The following VAT1L variants were observed in gnomAD, a reference collection of about 807,000 sequenced individuals.
VAT1L encodes putative NADPH-dependent quinone oxidoreductase VAT1L.
A neutral mutation model predicts 44.1 loss-of-function variants in VAT1L; 34 were observed. That is an observed-to-expected ratio of 0.77 (90% CI 0.59 to 1.03). The LOEUF (loss-of-function observed/expected upper bound fraction) is 1.03. Among genes scored for constraint, VAT1L ranks in the 50% least tolerant of loss-of-function variants. VAT1L has a pLI of 0.00. For missense variants in VAT1L, 615 were observed against 538.8 expected (o/e 1.14, Z -1.40); for synonymous variants, 253 against 202.2 (o/e 1.25, Z -2.13).
At chr16:77,951,035 A>G (rs754059238) in intron 7 of VAT1L, among the ~76,000 whole-genome samples, 4 of 152,224 alleles carry the variant, frequency 2.6e-5, no homozygotes, top group Non-Finnish European at 5.9e-5. Flanking sequence ...AAGACACAGC[A>G]GCGCCCGCGG....
intron 7 of VAT1L, among the ~76,000 whole-genome samples, chr16:77,885,242 G>A (rs558191385): frequency 6.6e-6 from 1 of 152,278 alleles, no homozygotes; most frequent in South Asian, 2.1e-4. Context: ...CTATCACGAT[G>A]GACTTTGGAA....
chr16:77,861,052 AG>A (rs1341025333), intron 3 of VAT1L, among the ~76,000 whole-genome samples: 1 of 152,076 alleles, frequency 6.6e-6, no homozygotes, highest in African/African-American at 2.4e-5. Flanking sequence ...CAGTCAGGGG[AG>A]GGGGTAATTG....
intron 2 of VAT1L, among the ~76,000 whole-genome samples, chr16:77,817,318 A>T (rs909219275): frequency 6.6e-6 from 1 of 152,174 alleles, no homozygotes; most frequent in African/African-American, 2.4e-5. Flanking sequence ...ATTCAACAAA[A>T]GTATTTGGCA....
At chr16:77,820,471 T>C (rs759016322) in intron 2 of VAT1L, among the ~76,000 whole-genome samples, 10 of 152,156 alleles carry the variant, frequency 6.6e-5, no homozygotes, top group Non-Finnish European at 1.2e-4. Context: ...GCTCGAGCTC[T>C]GTAGGGGTGT....
intron 7 of VAT1L, among the ~76,000 whole-genome samples, chr16:77,945,371 C>T (rs1352037940): frequency 6.8e-6 from 1 of 146,554 alleles, no homozygotes; most frequent in African/African-American, 2.5e-5. Flanking sequence ...ACCGCAGCCT[C>T]AAACTCCTAG....
chr16:77,958,669 C>G (rs756180378), intron 7 of VAT1L, among the ~76,000 whole-genome samples: 7 of 152,170 alleles, frequency 4.6e-5, no homozygotes, highest in Non-Finnish European at 7.3e-5. Context: ...GTAGAACATT[C>G]TGGCTCTTGG....
chr16:77,933,392 A>G (rs1046429741), intron 7 of VAT1L, among the ~76,000 whole-genome samples: 1 of 152,230 alleles, frequency 6.6e-6, no homozygotes, highest in Non-Finnish European at 1.5e-5. Flanking sequence ...TCAGAAATCC[A>G]TTCATTCATT....
intron 7 of VAT1L, among the ~76,000 whole-genome samples, chr16:77,918,123 A>G (rs1208189686): frequency 6.6e-6 from 1 of 152,180 alleles, no homozygotes; most frequent in African/African-American, 2.4e-5. Flanking sequence ...GATGCAAATT[A>G]AAGGCATTAA....
chr16:77,918,899 C>T (rs1475675998), intron 7 of VAT1L, among the ~76,000 whole-genome samples: 3 of 152,180 alleles, frequency 2.0e-5, no homozygotes, highest in Non-Finnish European at 2.9e-5. Context: ...TAAGTTCTCT[C>T]TCTCCTGAGC....
intron 3 of VAT1L, among the ~76,000 whole-genome samples, 157 bp downstream of exon 3, chr16:77,825,618 T>C (rs1206389139): frequency 6.6e-6 from 1 of 152,112 alleles, no homozygotes; most frequent in Non-Finnish European, 1.5e-5. Flanking sequence ...TATAGATGAT[T>C]GCATTGGGGT....
chr16:77,914,306 A>C (rs771816823), intron 7 of VAT1L, among the ~76,000 whole-genome samples: 1 of 152,202 alleles, frequency 6.6e-6, no homozygotes, highest in African/African-American at 2.4e-5. Context: ...TTGGCTATCT[A>C]TGCTTTTGAG....
intron 7 of VAT1L, among the ~76,000 whole-genome samples, chr16:77,925,620 C>T (rs2142497638): frequency 6.6e-6 from 1 of 152,304 alleles, no homozygotes; most frequent in African/African-American, 2.4e-5. Context: ...GGAGATGAGA[C>T]TAGCTAGCCC....
intron 7 of VAT1L, among the ~76,000 whole-genome samples, chr16:77,957,226 T>G (rs371420759): frequency 6.6e-6 from 1 of 152,150 alleles, no homozygotes; most frequent in East Asian, 1.9e-4. Flanking sequence ...TTCCATGAAT[T>G]CTCATGTTTG....
At chr16:77,962,774 AGG>A (rs2142536280) in intron 7 of VAT1L, among the ~76,000 whole-genome samples, 1 of 151,740 alleles carries the variant, frequency 6.6e-6, no homozygotes, top group East Asian at 1.9e-4. Flanking sequence ...GAAGGAAGGA[AGG>A]AAAGAAAGAG....
chr16:77,792,805 G>A lies in VAT1L; in HGVS notation c.233+3890G>A, dbSNP rs567110706. Among the ~76,000 whole-genome samples, 5 of 152,150 alleles carry A rather than the reference G, an allele frequency of 3.3e-5. No individual in the cohort carries two copies. The South Asian group carries it at 6.2e-4, about 19-fold the overall frequency. On this transcript the variant is annotated intron_variant, in intron 1 of 8. Transcript: ENST00000302536. ...ACATGTTAACAAACTTCTGTTTCCC[G>A]GACTATAAAATAGAGCATCCATTTT...
chr16:77,890,363 G>C (rs1244714040), intron 7 of VAT1L, among the ~76,000 whole-genome samples: 1 of 152,078 alleles, frequency 6.6e-6, no homozygotes, highest in Non-Finnish European at 1.5e-5. Context: ...GTCAAATCAT[G>C]GTCCCCTTTG....
chr16:77,950,845 T>C (rs547810925), intron 7 of VAT1L, among the ~76,000 whole-genome samples: 1 of 152,242 alleles, frequency 6.6e-6, no homozygotes, highest in East Asian at 1.9e-4. Context: ...CGGCCTTTCC[T>C]ATACAAACTG....
intron 1 of VAT1L, among the ~76,000 whole-genome samples, chr16:77,808,604 G>GT (rs769786226): frequency 2.0e-5 from 3 of 151,466 alleles, no homozygotes; most frequent in African/African-American, 7.3e-5. Context: ...TTTTGTTTTT[G>GT]TTTTTTTTGA....
chr16:77,796,346 C>T lies in VAT1L; in HGVS notation c.233+7431C>T, dbSNP rs557210353. On this transcript the variant is annotated intron_variant, in intron 1 of 8. Transcript: ENST00000302536. The stretch of plus-strand genomic sequence containing the variant: ...TCCATCTGCAGCATCTTTGCAGTGA[C>T]AAAGCCTACTATGTACCTCAGCTTT... Among the ~76,000 whole-genome samples, 7 of 152,274 alleles carry T rather than the reference C, an allele frequency of 4.6e-5. No homozygotes were observed. In the East Asian group the frequency reaches 1.4e-3, roughly 30 times the overall value.
Sources: allele counts gnomAD v4.1 joint callset (sites outside exome capture counted in the v4.1 genomes callset), GRCh38; gene constraint gnomAD v4.1.1; transcripts MANE v1.5; gene names NCBI Gene and HGNC (gene_info 2026-07-23, HGNC 2026-07-21).